LURAP1L: variants seen among roughly 807,000 people sequenced by gnomAD.
LURAP1L encodes leucine rich adaptor protein 1 like, also known as leucine rich adaptor protein 1-like.
Under a neutral mutation model 13.8 loss-of-function variants are expected in LURAP1L, and 12 were observed. That is an observed-to-expected ratio of 0.87 (90% CI 0.56 to 1.41). The LOEUF is 1.41. Ranked by LOEUF, LURAP1L falls within the 40% of genes most tolerant of loss-of-function variation. The pLI, the probability that LURAP1L is intolerant of heterozygous loss-of-function variation, is 0.00. For synonymous variants in LURAP1L, 139 were observed against 119.2 expected (o/e 1.17, Z -1.08); for missense variants, 375 against 292.9 (o/e 1.28, Z -2.04).
intron 1 of LURAP1L, among the ~76,000 whole-genome samples, chr9:12,802,126 G>A (rs914626787): frequency 1.3e-5 from 2 of 152,080 alleles, no homozygotes; most frequent in East Asian, 1.9e-4. Flanking sequence ...TCCCTACACA[G>A]CCCAAATTAA....
chr9:12,801,735 A>T (rs1192927240), intron 1 of LURAP1L, among the ~76,000 whole-genome samples: 1 of 152,222 alleles, frequency 6.6e-6, no homozygotes, highest in Non-Finnish European at 1.5e-5. Context: ...GACTTCAGGG[A>T]AATTTAAGAA....
chr9:12,781,207 G>T lies in LURAP1L; in HGVS notation c.312+5180G>T, dbSNP rs994021247. On this transcript the variant is annotated intron_variant, in intron 1 of 1. Coordinates refer to ENST00000319264, the MANE Select transcript of LURAP1L (RefSeq NM_203403.2). ...GCTGGTCTGGAACTCCTGACCTCAGGTGATCTGCCTGCCTCGGCCTCCTAA... is the reference window on the plus strand; with the variant it reads ...GCTGGTCTGGAACTCCTGACCTCAGTTGATCTGCCTGCCTCGGCCTCCTAA... 2.0e-5 allele frequency among the ~76,000 whole-genome samples: 3 copies of T among 152,150 alleles called. No individual in the cohort carries two copies. In the South Asian group the frequency reaches 6.2e-4, roughly 32 times the overall value.
intron 1 of LURAP1L, among the ~76,000 whole-genome samples, chr9:12,802,506 GAA>G (rs1377361569): frequency 6.6e-6 from 1 of 152,168 alleles, no homozygotes; most frequent in African/African-American, 2.4e-5. Flanking sequence ...CTCCATGACA[GAA>G]AGTTTCCTGA....
chr9:12,782,084 T>A (rs974936764), intron 1 of LURAP1L, among the ~76,000 whole-genome samples: 14 of 152,220 alleles, frequency 9.2e-5, no homozygotes, highest in Admixed American at 1.3e-4. Context: ...AGATCTTTTG[T>A]CTATTTTTTA....
chr9:12,801,967 C>A (rs906541389), intron 1 of LURAP1L, among the ~76,000 whole-genome samples: 2 of 152,152 alleles, frequency 1.3e-5, no homozygotes, highest in African/African-American at 2.4e-5. Context: ...AATTCCCAGT[C>A]CATTTCCTTC....
chr9:12,793,828 A>C (rs1340420135), intron 1 of LURAP1L, among the ~76,000 whole-genome samples: 2 of 152,090 alleles, frequency 1.3e-5, no homozygotes, highest in Non-Finnish European at 2.9e-5. Flanking sequence ...CGCCTGCACA[A>C]AATGGAACTG....
intron 1 of LURAP1L, among the ~76,000 whole-genome samples, chr9:12,783,739 T>G (rs1007406652): frequency 7.9e-5 from 12 of 152,060 alleles, no homozygotes; most frequent in Non-Finnish European, 1.5e-4. Context: ...AGAAGTATTC[T>G]CTCCTCTGTT....
chr9:12,819,647 G>C (rs1183938205), intron 1 of LURAP1L, among the ~76,000 whole-genome samples: 1 of 152,110 alleles, frequency 6.6e-6, no homozygotes, highest in South Asian at 2.1e-4. Flanking sequence ...TGGAGGGACA[G>C]AAATCGGTTT....
chr9:12,779,434 C>T (rs944198467), intron 1 of LURAP1L, among the ~76,000 whole-genome samples: 60 of 151,954 alleles, frequency 3.9e-4, no homozygotes, highest in African/African-American at 1.4e-3. Context: ...GCAACCACGC[C>T]CGGCTAATTT....
At chr9:12,806,926 C>T (rs1819665105) in intron 1 of LURAP1L, among the ~76,000 whole-genome samples, 1 of 147,128 alleles carries the variant, frequency 6.8e-6, no homozygotes, top group African/African-American at 2.5e-5. Flanking sequence ...AACTATATCA[C>T]TCTACTCTTC....
At chr9:12,780,515 G>A (rs1295066692) in intron 1 of LURAP1L, among the ~76,000 whole-genome samples, 1 of 152,110 alleles carries the variant, frequency 6.6e-6, no homozygotes, top group African/African-American at 2.4e-5. Flanking sequence ...TACAGATAAG[G>A]AAACTATGGC....
intron 1 of LURAP1L, among the ~76,000 whole-genome samples, chr9:12,789,844 A>T (rs1819415346): frequency 6.6e-6 from 1 of 152,210 alleles, no homozygotes; most frequent in Middle Eastern, 3.2e-3. Flanking sequence ...GATTACAAAT[A>T]AATTAAGACT....
intron 1 of LURAP1L, among the ~76,000 whole-genome samples, chr9:12,781,544 A>G (rs919614849): frequency 6.6e-6 from 1 of 152,142 alleles, no homozygotes; most frequent in African/African-American, 2.4e-5. Context: ...TTCACTTGTC[A>G]CGAAATCCTC....
At chr9:12,776,076 A>C in intron 1 of LURAP1L, 49 bp downstream of exon 1, 1 of 1,550,454 alleles carries the variant, frequency 6.4e-7, no homozygotes. Flanking sequence ...GCTGGGCCAA[A>C]AGATGGGGCG....
intron 1 of LURAP1L, among the ~76,000 whole-genome samples, chr9:12,781,268 GC>G (rs1249554269): frequency 1.3e-5 from 2 of 152,124 alleles, no homozygotes; most frequent in Admixed American, 1.3e-4. Flanking sequence ...ACTGTGCCCG[GC>G]CCCTTTTAGT....
chr9:12,796,611 A>G (rs1202391288), intron 1 of LURAP1L, among the ~76,000 whole-genome samples: 1 of 152,050 alleles, frequency 6.6e-6, no homozygotes, highest in Non-Finnish European at 1.5e-5. Context: ...TATAAGCTGG[A>G]GGAATATACC....
At chr9:12,776,172 G>A in intron 1 of LURAP1L, 145 bp downstream of exon 1, 1 of 830,118 alleles carries the variant, frequency 1.2e-6, no homozygotes, top group Non-Finnish European at 1.9e-6. Context: ...GGAGGAATGA[G>A]CAGGGGGCGC....
At chr9:12,819,529 T>C (rs1356234901) in intron 1 of LURAP1L, among the ~76,000 whole-genome samples, 3 of 152,210 alleles carry the variant, frequency 2.0e-5, no homozygotes, top group Non-Finnish European at 2.9e-5. Context: ...GTTTGAGTCA[T>C]CCAAGAATGA....
intron 1 of LURAP1L, among the ~76,000 whole-genome samples, chr9:12,799,348 C>T (rs564118430): frequency 6.6e-6 from 1 of 152,188 alleles, no homozygotes; most frequent in South Asian, 2.1e-4. Context: ...ACACAGTTTT[C>T]AATGCACATA....
Sources: gnomAD v4.1 joint callset for allele counts (sites outside exome capture counted in the v4.1 genomes callset) on GRCh38, gnomAD v4.1.1 for gene constraint, MANE v1.5 for transcripts, NCBI Gene and HGNC (gene_info 2026-07-23, HGNC 2026-07-21) for gene names.